Variants in EIF4G3 observed in about 807,000 individuals in gnomAD.
EIF4G3 encodes eukaryotic translation initiation factor 4 gamma 3.
Under a neutral mutation model 186.4 loss-of-function variants are expected in EIF4G3, and 34 were observed. That is an observed-to-expected ratio of 0.18 (90% confidence interval 0.14 to 0.24). EIF4G3 has a LOEUF of 0.24. Ranked by LOEUF, EIF4G3 falls within the 10% of genes least tolerant of loss-of-function variation. EIF4G3 has a pLI of 1.00. For missense variants in EIF4G3, 1,536 were observed against 1,948.5 expected (o/e 0.79, Z 3.99); for synonymous variants, 673 against 679.5 (o/e 0.99, Z 0.15).
chr1:20,968,618 C>T (rs2075214817), intron 12 of EIF4G3, among the ~76,000 whole-genome samples: 1 of 152,032 alleles, frequency 6.6e-6, no homozygotes, highest in Non-Finnish European at 1.5e-5. Flanking sequence ...ACATTCTTCA[C>T]CAGGAAGAAA....
chr1:21,135,438 T>C (rs2097221472), intron 2 of EIF4G3, among the ~76,000 whole-genome samples: 1 of 152,112 alleles, frequency 6.6e-6, no homozygotes, highest in African/African-American at 2.4e-5. Flanking sequence ...GAGGCAGAGG[T>C]TGCAATGAAC....
At chr1:20,865,310 A>T (rs2077316527) in intron 20 of EIF4G3, 48 bp from the exon 21 acceptor site, 1 of 1,597,296 alleles carries the variant, frequency 6.3e-7, no homozygotes, top group Admixed American at 1.7e-5. Flanking sequence ...TTACTTAAAG[A>T]CATTAAAAAT....
At chr1:20,895,002 T>C (rs1366586463) in intron 17 of EIF4G3, among the ~76,000 whole-genome samples, 5 of 152,164 alleles carry the variant, frequency 3.3e-5, no homozygotes, top group Admixed American at 2.0e-4. Context: ...CTGTCTTCAA[T>C]GCCAATAGAA....
At chr1:21,138,592 T>C (rs1227779721) in intron 2 of EIF4G3, among the ~76,000 whole-genome samples, 1 of 151,994 alleles carries the variant, frequency 6.6e-6, no homozygotes, top group Non-Finnish European at 1.5e-5. Context: ...CTGAGGCAGG[T>C]AGATCACTTC....
At chr1:20,856,636 A>G (rs894199734) in intron 25 of EIF4G3, among the ~76,000 whole-genome samples, 7 of 152,234 alleles carry the variant, frequency 4.6e-5, no homozygotes, top group Admixed American at 3.3e-4. Context: ...TCCTTATTAC[A>G]GAATGATTTC....
At chr1:21,030,843 C>T (rs1391581526) in intron 4 of EIF4G3, among the ~76,000 whole-genome samples, 5 of 152,092 alleles carry the variant, frequency 3.3e-5, no homozygotes, top group Admixed American at 6.5e-5. Context: ...ATATAGATTG[C>T]TGAATATGTG....
At chr1:21,160,158 C>T (rs2097738177) in intron 2 of EIF4G3, among the ~76,000 whole-genome samples, 1 of 151,308 alleles carries the variant, frequency 6.6e-6, no homozygotes, top group Non-Finnish European at 1.5e-5. Flanking sequence ...AGAAATCAAC[C>T]TGAAGGAATT....
rs67354523 is a variant in EIF4G3, at chr1:20,828,029, GT to G, written c.4188-332del. 1.8e-3 allele frequency among the ~76,000 whole-genome samples: 224 copies of G among 127,402 alleles called. 5 individuals carry two copies. Among genetic ancestry groups the G allele is most frequent in the East Asian group, 3.9e-3 (17 of 4,388 alleles). 83.6% of individuals were successfully genotyped at this position (127,402 alleles called of 152,430 possible). ...CAGGGAGTTGTGATGCTTTTATAAA[GT>G]TTTTTTTTTTTTTTTTTTTTTGAGA... is the stretch of plus-strand genomic sequence containing the variant. On this transcript the variant is annotated intron_variant, in intron 31 of 36. Coordinates refer to ENST00000602326, the MANE Select transcript of EIF4G3 (RefSeq NM_001391906.1).
At chr1:20,972,875 A>C in intron 11 of EIF4G3, 127 bp downstream of exon 11, 1 of 697,766 alleles carries the variant, frequency 1.4e-6, no homozygotes, top group Non-Finnish European at 2.3e-6. Context: ...TGTGACTATA[A>C]GGGAAGAATA....
At chr1:20,940,400 G>C (rs1440376756) in intron 14 of EIF4G3, among the ~76,000 whole-genome samples, 1 of 152,130 alleles carries the variant, frequency 6.6e-6, no homozygotes, top group Non-Finnish European at 1.5e-5. Context: ...AGTTCCAAAA[G>C]GCCAGACACC....
intron 4 of EIF4G3, among the ~76,000 whole-genome samples, chr1:21,019,827 T>C (rs555444427): frequency 6.6e-6 from 1 of 152,254 alleles, no homozygotes; most frequent in South Asian, 2.1e-4. Flanking sequence ...GAGCTTGCAG[T>C]GAGCCGAGAC....
intron 4 of EIF4G3, among the ~76,000 whole-genome samples, chr1:21,017,016 G>A (rs542314107): frequency 1.3e-4 from 20 of 152,110 alleles, no homozygotes; most frequent in Non-Finnish European, 2.5e-4. Flanking sequence ...CCACACCCAT[G>A]TTCATATCAG....
chr1:21,117,289 T>C (rs2096841379), intron 2 of EIF4G3, among the ~76,000 whole-genome samples: 1 of 152,072 alleles, frequency 6.6e-6, no homozygotes, highest in African/African-American at 2.4e-5. Context: ...TAAAAGATTC[T>C]TGTATCTCAT....
chr1:20,817,640 A>C, intron 33 of EIF4G3, 102 bp from the exon 34 acceptor site: 1 of 650,952 alleles, frequency 1.5e-6, no homozygotes, highest in East Asian at 3.7e-5. Flanking sequence ...TCTATTTTAC[A>C]TGGAATCAAA....
In EIF4G3 at chr1:21,007,122, G is replaced by A. The variant is rs547624601; in HGVS notation, c.-66-4314C>T. Among the ~76,000 whole-genome samples the A allele has an allele frequency of 3.3e-5, 5 of 152,266 alleles. No homozygotes were observed. In the South Asian group the frequency reaches 1.0e-3, roughly 32 times the overall value. Reference sequence around the variant, plus strand: ...TTTTCAAAGAGGTATAAGGTACCAGGTGTGGTGGCTCACGCCTGTAATCCC... The same window carrying A: ...TTTTCAAAGAGGTATAAGGTACCAGATGTGGTGGCTCACGCCTGTAATCCC... On this transcript the variant is annotated intron_variant, in intron 4 of 36. Transcript: ENST00000602326.
At chr1:20,809,629 A>C (rs1287567723) in intron 36 of EIF4G3, among the ~76,000 whole-genome samples, 2 of 152,216 alleles carry the variant, frequency 1.3e-5, no homozygotes, top group East Asian at 3.9e-4. Flanking sequence ...TAGCATGGTA[A>C]ATACACTACA....
At chr1:20,992,630 T>C (rs116822235) in intron 7 of EIF4G3, among the ~76,000 whole-genome samples, 162 of 152,332 alleles carry the variant, frequency 1.1e-3, no homozygotes, top group African/African-American at 3.6e-3. Context: ...ACAGCATATT[T>C]TTCAGCATTT....
intron 3 of EIF4G3, among the ~76,000 whole-genome samples, chr1:21,074,670 G>A (rs1322648678): frequency 6.6e-6 from 1 of 152,110 alleles, no homozygotes; most frequent in South Asian, 2.1e-4. Flanking sequence ...TGGCTAAGAA[G>A]AAAGTTCTTT....
At chr1:20,958,818 G>C (rs1313775854) in intron 12 of EIF4G3, among the ~76,000 whole-genome samples, 1 of 151,944 alleles carries the variant, frequency 6.6e-6, no homozygotes, top group African/African-American at 2.4e-5. Flanking sequence ...AAAATAAAAT[G>C]AAATACCTAG....
Sources: gnomAD v4.1 joint callset for allele counts (sites outside exome capture counted in the v4.1 genomes callset) on GRCh38, gnomAD v4.1.1 for gene constraint, MANE v1.5 for transcripts, NCBI Gene and HGNC (gene_info 2026-07-23, HGNC 2026-07-21) for gene names.